Variants in CTNNA2 observed in about 807,000 individuals in gnomAD.
CTNNA2 encodes the protein catenin alpha 2.
In CTNNA2, 42 loss-of-function variants were observed where a neutral mutation model predicts 101.0. That is an observed-to-expected ratio of 0.42 (90% CI 0.32 to 0.54). The LOEUF (loss-of-function observed/expected upper bound fraction) is 0.54, where lower values mean the gene tolerates loss of function less well. Ranked by LOEUF, CTNNA2 falls within the 20% of genes least tolerant of loss-of-function variation. The pLI, the probability that CTNNA2 is intolerant of heterozygous loss-of-function variation, is 0.14. For synonymous variants in CTNNA2, 450 were observed against 456.4 expected, an observed-to-expected ratio of 0.99 and a Z score of 0.18; for missense variants, 871 against 1,223.1, an observed-to-expected ratio of 0.71 and a Z score of 4.29.
In CTNNA2 at chr2:79,890,122, A is replaced by G. The variant is rs1221037462; in HGVS notation, c.852+15780A>G. On this transcript the variant is annotated intron_variant, in intron 6 of 18. Coordinates refer to ENST00000402739, the MANE Select transcript of CTNNA2 (RefSeq NM_001282597.3). ...CTGTGAATGCCATTTTTAGTTTCAC[A>G]TTAAATATGAGATTTCTTCTGCTTT... is the stretch of plus-strand genomic sequence containing the variant. 5.9e-5 allele frequency among the ~76,000 whole-genome samples: 9 copies of G among 152,204 alleles called. 1 individual carries two copies. Among genetic ancestry groups the G allele is most frequent in the Admixed American group, 5.9e-4 (9 of 15,282 alleles).
intron 1 of CTNNA2, among the ~76,000 whole-genome samples, chr2:79,557,162 A>T (rs1240713165): frequency 2.0e-5 from 3 of 151,958 alleles, no homozygotes; most frequent in Admixed American, 2.0e-4. Flanking sequence ...TTTGTTTATT[A>T]TTCTCTCAAT....
intron 2 of CTNNA2, among the ~76,000 whole-genome samples, chr2:79,688,966 C>G (rs1383798464): frequency 6.6e-6 from 1 of 151,952 alleles, no homozygotes; most frequent in Non-Finnish European, 1.5e-5. Context: ...TAGAAAGATT[C>G]AATGGCTGGG....
intron 3 of CTNNA2, among the ~76,000 whole-genome samples, chr2:79,364,824 A>G (rs975426793): frequency 3.3e-5 from 5 of 152,226 alleles, no homozygotes; most frequent in African/African-American, 1.2e-4. Flanking sequence ...TTGTTTAGGA[A>G]GAGGAGGAAT....
intron 7 of CTNNA2, among the ~76,000 whole-genome samples, chr2:80,151,995 T>C (rs1703730656): frequency 6.6e-6 from 1 of 152,240 alleles, no homozygotes; most frequent in East Asian, 1.9e-4. Flanking sequence ...TTCAGGGGCC[T>C]AGGCCAAATG....
At chr2:79,886,820 CGTT>C (rs1231003884) in intron 6 of CTNNA2, among the ~76,000 whole-genome samples, 2 of 131,290 alleles carry the variant, frequency 1.5e-5, no homozygotes, top group East Asian at 2.7e-4. Flanking sequence ...TTGTTGTTGT[CGTT>C]GTTTTGTTTG....
At chr2:80,440,956 T>C (rs1478649509) in intron 9 of CTNNA2, among the ~76,000 whole-genome samples, 1 of 152,168 alleles carries the variant, frequency 6.6e-6, no homozygotes, top group Non-Finnish European at 1.5e-5. Context: ...CTCTCCACCA[T>C]CCTCTCTGCA....
intron 3 of CTNNA2, among the ~76,000 whole-genome samples, chr2:79,372,399 A>G (rs758089071): frequency 9.9e-5 from 15 of 152,192 alleles, no homozygotes; most frequent in Non-Finnish European, 2.2e-4. Context: ...ATGAGTCTGC[A>G]GGAAACGTGT....
At chr2:80,290,574 C>A (rs1052057187) in intron 7 of CTNNA2, among the ~76,000 whole-genome samples, 5 of 151,898 alleles carry the variant, frequency 3.3e-5, no homozygotes, top group Admixed American at 3.3e-4. Context: ...TCTCCCACTG[C>A]CCCCTTGAAA....
At chr2:79,853,819 C>T (rs557133411) in intron 3 of CTNNA2, among the ~76,000 whole-genome samples, 1 of 152,118 alleles carries the variant, frequency 6.6e-6, no homozygotes, top group Non-Finnish European at 1.5e-5. Flanking sequence ...CAGGCATGTG[C>T]CACCATGCCT....
At chr2:80,050,070 C>G (rs963429793) in intron 7 of CTNNA2, among the ~76,000 whole-genome samples, 1 of 152,134 alleles carries the variant, frequency 6.6e-6, no homozygotes, top group South Asian at 2.1e-4. Flanking sequence ...GATCATGGAT[C>G]CAGTATGACT....
intron 2 of CTNNA2, among the ~76,000 whole-genome samples, chr2:79,215,456 G>A (rs967343053): frequency 6.6e-6 from 1 of 152,224 alleles, no homozygotes; most frequent in Non-Finnish European, 1.5e-5. Flanking sequence ...CACCTCGAAG[G>A]TGAGGTTAAT....
At chr2:80,295,019 CTCTT>C in intron 7 of CTNNA2, among the ~76,000 whole-genome samples, 1 of 152,254 alleles carries the variant, frequency 6.6e-6, no homozygotes. Flanking sequence ...TCCTCTTCCT[CTCTT>C]TTTCTTTTTT....
intron 2 of CTNNA2, among the ~76,000 whole-genome samples, chr2:79,296,587 G>T (rs1372381777): frequency 6.6e-6 from 1 of 152,086 alleles, no homozygotes; most frequent in Non-Finnish European, 1.5e-5. Flanking sequence ...GGCACTGTGG[G>T]TGCTGTAAAA....
At chr2:80,256,876 A>G (rs1445884380) in intron 7 of CTNNA2, among the ~76,000 whole-genome samples, 2 of 152,144 alleles carry the variant, frequency 1.3e-5, no homozygotes, top group Admixed American at 1.3e-4. Context: ...GAATAACACC[A>G]TTGGTTCATC....
intron 1 of CTNNA2, among the ~76,000 whole-genome samples, chr2:79,553,607 G>C (rs1674255417): frequency 6.6e-6 from 1 of 152,150 alleles, no homozygotes; most frequent in African/African-American, 2.4e-5. Flanking sequence ...CAAAGGGGAA[G>C]CAGGCACATC....
chr2:79,201,140 T>C (rs928006889), intron 2 of CTNNA2, among the ~76,000 whole-genome samples: 2 of 152,130 alleles, frequency 1.3e-5, no homozygotes, highest in Admixed American at 6.6e-5. Context: ...TTGTTCCCCT[T>C]GAATTGGAAC....
At chr2:80,619,375 T>C in intron 18 of CTNNA2, 147 bp downstream of exon 18, 1 of 826,238 alleles carries the variant, frequency 1.2e-6, no homozygotes. Context: ...TTATTTATTC[T>C]TTATGTGGGT....
At chr2:79,838,735 G>A (rs1679573300) in intron 3 of CTNNA2, among the ~76,000 whole-genome samples, 1 of 152,024 alleles carries the variant, frequency 6.6e-6, no homozygotes, top group South Asian at 2.1e-4. Context: ...TAGTGGCTTT[G>A]GAAAGGTAGA....
chr2:79,913,033 G>A (rs1029356099), intron 7 of CTNNA2, among the ~76,000 whole-genome samples: 1 of 152,148 alleles, frequency 6.6e-6, no homozygotes, highest in Non-Finnish European at 1.5e-5. Flanking sequence ...AGGCTTCTGG[G>A]GATACAGAAA....
Sources: gnomAD v4.1 joint callset for allele counts (sites outside exome capture counted in the v4.1 genomes callset) on GRCh38, gnomAD v4.1.1 for gene constraint, MANE v1.5 for transcripts, NCBI Gene and HGNC (gene_info 2026-07-23, HGNC 2026-07-21) for gene names.